The following UNC13B variants were observed in gnomAD, a reference collection of about 807,000 sequenced individuals.
UNC13B encodes unc-13 homolog B.
In UNC13B, 144 loss-of-function variants were observed where a neutral mutation model predicts 211.0. The ratio of observed to expected loss-of-function variants is 0.68; its 90% CI spans 0.60 to 0.78. The LOEUF is 0.78. UNC13B is among the 30% of genes least tolerant of loss of function. UNC13B has a pLI of 0.00. For synonymous variants in UNC13B, 709 were observed against 725.8 expected (o/e 0.98, Z 0.37); for missense variants, 1,777 against 2,002.0 (o/e 0.89, Z 2.14).
chr9:35,186,134 G>T (rs1330698875), intron 1 of UNC13B, among the ~76,000 whole-genome samples: 1 of 152,050 alleles, frequency 6.6e-6, no homozygotes, highest in African/African-American at 2.4e-5. Flanking sequence ...TTAAAACAGA[G>T]ATGTTAAGAC....
At chr9:35,225,798 G>A (rs1441648957) in intron 1 of UNC13B, among the ~76,000 whole-genome samples, 1 of 152,104 alleles carries the variant, frequency 6.6e-6, no homozygotes, top group Non-Finnish European at 1.5e-5. Context: ...CCAGTCTTTG[G>A]GCTCCCTTGG....
intron 1 of UNC13B, among the ~76,000 whole-genome samples, chr9:35,171,436 C>T (rs1032636787): frequency 6.6e-6 from 1 of 152,166 alleles, no homozygotes; most frequent in African/African-American, 2.4e-5. Context: ...AAGTCTCACT[C>T]TGTTGCCCAG....
intron 11 of UNC13B, among the ~76,000 whole-genome samples, chr9:35,340,955 C>T (rs905229547): frequency 1.3e-5 from 2 of 152,124 alleles, no homozygotes; most frequent in Non-Finnish European, 1.5e-5. Flanking sequence ...AAGATAAGGA[C>T]ATTCAATTTC....
intron 15 of UNC13B, among the ~76,000 whole-genome samples, chr9:35,377,204 T>G (rs1013871381): frequency 1.3e-5 from 2 of 152,186 alleles, no homozygotes; most frequent in African/African-American, 2.4e-5. Flanking sequence ...AGGTTAGACG[T>G]GAAGAGACAG....
intron 20 of UNC13B, among the ~76,000 whole-genome samples, 169 bp downstream of exon 20, chr9:35,381,888 T>C (rs1490345266): frequency 1.3e-5 from 2 of 152,140 alleles, no homozygotes; most frequent in Non-Finnish European, 2.9e-5. Flanking sequence ...GAAGGGTATA[T>C]GTAGAAAAAG....
At chr9:35,205,550 C>G (rs936947209) in intron 1 of UNC13B, among the ~76,000 whole-genome samples, 1 of 152,192 alleles carries the variant, frequency 6.6e-6, no homozygotes, top group Non-Finnish European at 1.5e-5. Context: ...TCTCCAACCT[C>G]CCACTAGGGA....
chr9:35,259,458 A>T (rs1444773552), intron 7 of UNC13B, among the ~76,000 whole-genome samples: 1 of 152,176 alleles, frequency 6.6e-6, no homozygotes, highest in Admixed American at 6.6e-5. Context: ...CTGTGTGCAC[A>T]TCCATCATAT....
chr9:35,381,358 A>G (rs888606323), intron 19 of UNC13B, 143 bp downstream of exon 19: 1 of 976,244 alleles, frequency 1.0e-6, no homozygotes, highest in African/African-American at 1.6e-5. Flanking sequence ...GGAGAGTCCG[A>G]GTGACTGAAC....
intron 7 of UNC13B, among the ~76,000 whole-genome samples, chr9:35,267,414 C>T (rs957534856): frequency 5.3e-5 from 8 of 152,180 alleles, no homozygotes; most frequent in African/African-American, 1.7e-4. Flanking sequence ...CACATCCATG[C>T]CATGGGCAGT....
At chr9:35,385,647 T>G (rs1384652150) in intron 22 of UNC13B, 77 bp from the exon 23 acceptor site, 1 of 1,505,026 alleles carries the variant, frequency 6.6e-7, no homozygotes, top group Non-Finnish European at 8.9e-7. Context: ...TAGGGAAGCT[T>G]TTGATATCAT....
Position 35,400,426 on chromosome 9 carries a change from G to A in UNC13B, c.12467G>A (p.Arg4156His), listed in dbSNP as rs540562181. 160 of 1,612,828 alleles carry A rather than the reference G, an allele frequency of 9.9e-5. No homozygotes were observed. Among genetic ancestry groups the A allele is most frequent in the Admixed American group, 1.5e-4 (9 of 59,922 alleles). Residue 4156 changes from arginine to histidine, a missense_variant, in exon 37 of 40, where the codon CGC becomes CAC. Arg to His is a conservative substitution (Grantham distance 29). Coordinates refer to ENST00000635942, the MANE Select transcript of UNC13B (RefSeq NM_001371189.2). ...GACACTCTCATCAAGACCTTTGTGC[G>A]CTCGCAGACCACCCAAGGTAAGGCC... ...TTDTLIKTFVRSQTTQGSGVD... is the reference protein window; with the variant it reads ...TTDTLIKTFVHSQTTQGSGVD...
intron 1 of UNC13B, among the ~76,000 whole-genome samples, chr9:35,187,053 A>G (rs1822399406): frequency 6.6e-6 from 1 of 152,202 alleles, no homozygotes; most frequent in African/African-American, 2.4e-5. Flanking sequence ...TACTACAGCA[A>G]TGGAAATTCT....
At chr9:35,335,392 A>C (rs1831595801) in intron 11 of UNC13B, among the ~76,000 whole-genome samples, 1 of 152,202 alleles carries the variant, frequency 6.6e-6, no homozygotes, top group Non-Finnish European at 1.5e-5. Flanking sequence ...GCTATTTACC[A>C]CTATGCCCTG....
Position 35,307,472 on chromosome 9 carries a change from G to T in UNC13B, c.8068G>T (p.Asp2690Tyr). ...PAIQTASTNQDLLELHPASSL... is the reference protein window; with the variant it reads ...PAIQTASTNQYLLELHPASSL... Reference sequence around the variant, plus strand: ...TATTCAAACTGCCTCCACAAACCAAGACTTACTGGAGCTGCATCCAGCCAG... The same window carrying T: ...TATTCAAACTGCCTCCACAAACCAATACTTACTGGAGCTGCATCCAGCCAG... Residue 2690 changes from aspartate (D) to tyrosine (Y), a missense_variant, in exon 9 of 40, where the codon GAC (aspartate) becomes TAC (tyrosine). By Grantham distance (160) the Asp-to-Tyr change is radical. Transcript: ENST00000635942. 2.5e-6 allele frequency: 1 copy of T among 398,952 alleles called. No homozygotes were observed. Among genetic ancestry groups the T allele is most frequent in the South Asian group, 1.3e-4 (1 of 7,846 alleles). The allele number at this position is 398,952 out of a possible 1,614,324, so 24.7% of individuals were successfully genotyped here.
chr9:35,177,924 C>T (rs1385876590), intron 1 of UNC13B, among the ~76,000 whole-genome samples: 2 of 152,172 alleles, frequency 1.3e-5, no homozygotes, highest in African/African-American at 2.4e-5. Flanking sequence ...TATGGTGTCA[C>T]TCATTAATTG....
At chr9:35,381,346 C>G in intron 19 of UNC13B, 131 bp downstream of exon 19, 2 of 984,520 alleles carry the variant, frequency 2.0e-6, no homozygotes, top group South Asian at 3.4e-5. Flanking sequence ...CTCTGTTACC[C>G]TGGAGAGTCC....
Position 35,308,363 on chromosome 9 carries a change from C to G in UNC13B, c.8959C>G (p.Gln2987Glu), listed in dbSNP as rs1426930121. Residue 2987 changes from glutamine to glutamate, a missense_variant, in exon 9 of 40, where the codon CAG becomes GAG. By Grantham distance (29) the Gln-to-Glu change is conservative. Coordinates refer to ENST00000635942, the MANE Select transcript of UNC13B (RefSeq NM_001371189.2). ...PASTDSDLNVQQPVTLNDIKE... is the reference protein window; with the variant it reads ...PASTDSDLNVEQPVTLNDIKE... ...CAGTACTGACTCTGATTTGAATGTA[C>G]AGCAGCCAGTCACTCTGAATGACAT... is the stretch of plus-strand genomic sequence containing the variant. The G allele has an allele frequency of 1.3e-5, 5 of 398,990 alleles. No homozygotes were observed. Among genetic ancestry groups the G allele is most frequent in the Non-Finnish European group, 2.2e-5 (5 of 226,112 alleles). 24.7% of individuals were successfully genotyped at this position (398,990 alleles called of 1,614,324 possible).
Position 35,307,617 on chromosome 9 carries a change from A to G in UNC13B, c.8213A>G (p.Glu2738Gly), listed in dbSNP as rs1043280332. 18 of 399,114 alleles carry G rather than the reference A, an allele frequency of 4.5e-5. No homozygotes were observed. The South Asian group carries it at 1.4e-3, about 31-fold the overall frequency. The allele number at this position is 399,114 out of a possible 1,614,324, so 24.7% of individuals were successfully genotyped here. A position where few individuals can be genotyped will look rare whatever the true frequency, so the allele number is the denominator to read the frequency against. The change falls in exon 9 of 40, where the codon GAA becomes GGA. Residue 2738 changes from glutamate to glycine, a missense_variant. Physicochemically the swap from Glu to Gly is moderately conservative, Grantham distance 98. Transcript: ENST00000635942. ...LLEDPVLAAR[E>G]SCEIIHAQKD... is the part of the protein sequence containing the mutation. The stretch of plus-strand genomic sequence containing the variant: ...GAGGACCCTGTGCTTGCTGCCAGAG[A>G]AAGTTGTGAGATAATTCATGCCCAG...
intron 1 of UNC13B, among the ~76,000 whole-genome samples, chr9:35,211,736 C>A (rs1823977431): frequency 1.3e-5 from 2 of 152,174 alleles, no homozygotes; most frequent in African/African-American, 4.8e-5. Flanking sequence ...TGTCCCTCAT[C>A]ATTACGGCTT....
Sources: gnomAD v4.1 joint callset for allele counts (sites outside exome capture counted in the v4.1 genomes callset) on GRCh38, gnomAD v4.1.1 for gene constraint, MANE v1.5 for transcripts, NCBI Gene and HGNC (gene_info 2026-07-23, HGNC 2026-07-21) for gene names.